Variants in SYNPR observed in about 807,000 individuals in gnomAD.
SYNPR encodes the protein synaptoporin.
Under a neutral mutation model 32.9 loss-of-function variants are expected in SYNPR, and 23 were observed. The observed-to-expected ratio is 0.70, with a 90% confidence interval of 0.50 to 0.99. The LOEUF (loss-of-function observed/expected upper bound fraction) is 0.99, where lower values mean the gene tolerates loss of function less well. SYNPR is among the 50% of genes least tolerant of loss of function. SYNPR has a pLI of 0.00. For missense variants in SYNPR, 318 were observed against 349.3 expected (o/e 0.91, Z 0.71); for synonymous variants, 146 against 135.9 (o/e 1.07, Z -0.52).
At chr3:63,401,545 T>G (rs1400817084) in intron 2 of SYNPR, among the ~76,000 whole-genome samples, 1 of 152,132 alleles carries the variant, frequency 6.6e-6, no homozygotes, top group Non-Finnish European at 1.5e-5. Context: ...ACAGAAAAGC[T>G]TCGTTATCTG....
intron 3 of SYNPR, among the ~76,000 whole-genome samples, chr3:63,533,879 T>C (rs1015633005): frequency 1.3e-5 from 2 of 152,112 alleles, no homozygotes; most frequent in African/African-American, 4.8e-5. Flanking sequence ...CAAAAGGAAA[T>C]CAAGGTGCCA....
At chr3:63,284,247 A>G (rs74591869) in intron 2 of SYNPR, among the ~76,000 whole-genome samples, 8 of 152,242 alleles carry the variant, frequency 5.3e-5, no homozygotes, top group East Asian at 3.9e-4. Flanking sequence ...CTGTAGATTT[A>G]TGTGAAATGA....
intron 2 of SYNPR, among the ~76,000 whole-genome samples, chr3:63,279,030 C>T (rs1187054340): frequency 6.6e-6 from 1 of 152,114 alleles, no homozygotes; most frequent in African/African-American, 2.4e-5. Context: ...AAGAAACCTC[C>T]CCCTTGGGAG....
At chr3:63,543,157 T>C (rs1338826886) in intron 3 of SYNPR, among the ~76,000 whole-genome samples, 1 of 149,140 alleles carries the variant, frequency 6.7e-6, no homozygotes, top group Non-Finnish European at 1.5e-5. Context: ...AACTCCACTA[T>C]ACACTTGTGA....
At chr3:63,494,424 T>TATATATATACGTATATATATATACAC (rs1701323230) in intron 3 of SYNPR, among the ~76,000 whole-genome samples, 1 of 139,728 alleles carries the variant, frequency 7.2e-6, no homozygotes, top group Non-Finnish European at 1.5e-5. Context: ...TATACGTATA[T>TATATATATACGTATATATATATACAC]ATATATATAC....
intron 2 of SYNPR, among the ~76,000 whole-genome samples, chr3:63,423,285 G>A (rs934415286): frequency 6.6e-6 from 1 of 152,100 alleles, no homozygotes; most frequent in African/African-American, 2.4e-5. Flanking sequence ...TCATGCTGGT[G>A]GTGGATATTG....
At chr3:63,277,412 T>C (rs553504913), upstream of SYNPR, among the ~76,000 whole-genome samples, 1 of 152,108 alleles carries the variant, frequency 6.6e-6, no homozygotes, top group African/African-American at 2.4e-5. Context: ...TGAACCACCT[T>C]TCACTAAGTT....
rs748341470 is a variant in SYNPR at position 63,452,088 on chromosome 3, C to T, written c.85-28744C>T. The T allele has an allele frequency of 2.5e-4, 174 of 702,154 alleles. 1 individual carries two copies. In the South Asian group the frequency reaches 2.5e-3, roughly 10 times the overall value. The allele number at this position is 702,154 out of a possible 1,614,324, so 43.5% of individuals were successfully genotyped here. On this transcript the variant is annotated intron_variant, in intron 2 of 5. Transcript: ENST00000478300. ...ACACTCAAAGAAAGGGTTTCTCAAA[C>T]GTTTTTTCTCTGGATCTCTTCAAAA...
chr3:63,542,047 G>A (rs906979210), intron 3 of SYNPR, among the ~76,000 whole-genome samples: 12 of 152,096 alleles, frequency 7.9e-5, no homozygotes, highest in African/African-American at 2.9e-4. Flanking sequence ...AGATGCTCCA[G>A]TCACTTATAA....
chr3:63,291,807 T>C (rs1035329957), intron 2 of SYNPR, among the ~76,000 whole-genome samples: 1 of 151,422 alleles, frequency 6.6e-6, no homozygotes, highest in African/African-American at 2.4e-5. Context: ...ATTTGAAGTA[T>C]AAATATTGTA....
chr3:63,538,555 C>T (rs1243711426), intron 3 of SYNPR, among the ~76,000 whole-genome samples: 1 of 151,916 alleles, frequency 6.6e-6, no homozygotes, highest in Non-Finnish European at 1.5e-5. Context: ...TGGTAAGTGA[C>T]TTGTTTTGAT....
chr3:63,602,674 C>A (rs1406114557), intron 4 of SYNPR, among the ~76,000 whole-genome samples: 1 of 152,106 alleles, frequency 6.6e-6, no homozygotes, highest in East Asian at 1.9e-4. Context: ...GAAATTATTT[C>A]TAGGCTTTCT....
At position 63,537,465 on chromosome 3, in the gene SYNPR, A is replaced by C. The variant is rs77627436; in HGVS notation, c.210-19078A>C. Among the ~76,000 whole-genome samples, 118 of 152,212 alleles carry C rather than the reference A, an allele frequency of 7.8e-4. 1 individual carries two copies. Among genetic ancestry groups the C allele is most frequent in the African/African-American group, 2.7e-3 (112 of 41,536 alleles). The stretch of plus-strand genomic sequence containing the variant: ...AGACATCTTTATTCTGGCACAAATC[A>C]TACTCCATGGTAATCTTCTGTTTAT... On this transcript the variant is annotated intron_variant, in intron 3 of 5. Transcript: ENST00000478300.
At chr3:63,333,375 G>A (rs1207686871) in intron 2 of SYNPR, among the ~76,000 whole-genome samples, 2 of 151,268 alleles carry the variant, frequency 1.3e-5, no homozygotes, top group African/African-American at 2.4e-5. Context: ...CCAATTTCAA[G>A]GGAAGGAAAG....
chr3:63,356,371 C>G (rs769324463), intron 2 of SYNPR, among the ~76,000 whole-genome samples: 1 of 152,212 alleles, frequency 6.6e-6, no homozygotes, highest in Non-Finnish European at 1.5e-5. Context: ...AGGTGTCCAC[C>G]AATATCATGG....
intron 4 of SYNPR, among the ~76,000 whole-genome samples, chr3:63,567,228 G>A (rs1037165979): frequency 2.0e-5 from 3 of 152,092 alleles, no homozygotes; most frequent in African/African-American, 7.2e-5. Context: ...GGGAAAGAGG[G>A]GAGAGAGCAC....
intron 2 of SYNPR, among the ~76,000 whole-genome samples, chr3:63,348,357 C>T (rs778146873): frequency 1.3e-5 from 2 of 152,012 alleles, no homozygotes; most frequent in African/African-American, 2.4e-5. Context: ...ATATGCTTTG[C>T]CCACTTTTTA....
chr3:63,318,843 A>G (rs1017331850), intron 2 of SYNPR, among the ~76,000 whole-genome samples: 1 of 151,870 alleles, frequency 6.6e-6, no homozygotes, highest in African/African-American at 2.4e-5. Flanking sequence ...TTGTTTTGTC[A>G]TATTACCGGG....
chr3:63,492,747 T>C (rs1701279603), intron 3 of SYNPR, among the ~76,000 whole-genome samples: 1 of 152,098 alleles, frequency 6.6e-6, no homozygotes, highest in Non-Finnish European at 1.5e-5. Flanking sequence ...GGGAGTGTGG[T>C]GGGAAGAACC....
Sources: gnomAD v4.1 joint callset for allele counts (sites outside exome capture counted in the v4.1 genomes callset) on GRCh38, gnomAD v4.1.1 for gene constraint, MANE v1.5 for transcripts, NCBI Gene and HGNC (gene_info 2026-07-23, HGNC 2026-07-21) for gene names.